The following VPS13C variants were observed in gnomAD, a reference collection of about 807,000 sequenced individuals.
VPS13C encodes intermembrane lipid transfer protein VPS13C.
A neutral mutation model predicts 456.8 loss-of-function variants in VPS13C; 358 were observed. That is an observed-to-expected ratio of 0.78 (90% confidence interval 0.72 to 0.86). VPS13C has a LOEUF of 0.86. Ranked by LOEUF, VPS13C falls within the 40% of genes least tolerant of loss-of-function variation. The pLI, the probability that VPS13C is intolerant of heterozygous loss-of-function variation, is 0.00. For missense variants in VPS13C, 4,818 were observed against 4,385.4 expected, an observed-to-expected ratio of 1.10 and a Z score of -2.79; for synonymous variants, 1,578 against 1,486.7, an observed-to-expected ratio of 1.06 and a Z score of -1.41.
chr15:61,929,669 G>C lies in VPS13C; in HGVS notation c.6118C>G (p.Gln2040Glu), dbSNP rs766142274. The C allele has an allele frequency of 1.9e-6, 3 of 1,613,872 alleles. No homozygotes were observed. Among genetic ancestry groups the C allele is most frequent in the Non-Finnish European group, 2.5e-6 (3 of 1,179,976 alleles). Residue 2040 changes from glutamine (Q) to glutamate (E), a missense_variant, in exon 51 of 85, where the codon CAA becomes GAA. Gln to Glu is a conservative substitution (Grantham distance 29, BLOSUM62 2). Around this residue, in one of 3 missense-constraint regions of VPS13C, gnomAD observed 4,552 missense variants for 4,130.6 expected, o/e 1.10. Coordinates refer to ENST00000644861, the MANE Select transcript of VPS13C (RefSeq NM_020821.3). ...ISYKQDKNGSQIDAVLDKLYV... is the reference protein window; with the variant it reads ...ISYKQDKNGSEIDAVLDKLYV... ...AGCTTGTCAAGAACAGCATCAATTT[G>C]ACTTCCATTTTTGTCTTGTTTGTAA...
At chr15:62,024,219 G>A (rs959753435) in intron 6 of VPS13C, among the ~76,000 whole-genome samples, 3 of 151,940 alleles carry the variant, frequency 2.0e-5, no homozygotes, top group Admixed American at 6.6e-5. Context: ...AAAACTTTCA[G>A]AAGAAGGTTT....
intron 82 of VPS13C, among the ~76,000 whole-genome samples, chr15:61,862,443 C>A (rs564374666): frequency 2.0e-5 from 3 of 152,174 alleles, no homozygotes; most frequent in Non-Finnish European, 4.4e-5. Context: ...ACCAAAAAAA[C>A]CCCAAATTGA....
At chr15:61,938,368 A>G (rs1262631036) in intron 47 of VPS13C, among the ~76,000 whole-genome samples, 1 of 152,122 alleles carries the variant, frequency 6.6e-6, no homozygotes, top group Non-Finnish European at 1.5e-5. Flanking sequence ...TGTAGGTATC[A>G]CCTGCCTGAT....
intron 62 of VPS13C, 52 bp from the exon 63 acceptor site, chr15:61,912,056 A>G: frequency 2.1e-6 from 3 of 1,453,734 alleles, no homozygotes; most frequent in Non-Finnish European, 2.8e-6. Context: ...TCTTTGAAAT[A>G]TATACACATC....
In VPS13C at chr15:62,037,199, T is replaced by C. The variant is rs1334367535; in HGVS notation, c.188-2147A>G. Among the ~76,000 whole-genome samples the C allele has an allele frequency of 1.2e-4, 13 of 111,472 alleles. No homozygotes were observed. The East Asian group carries it at 1.4e-3, about 12-fold the overall frequency. 73.1% of individuals were successfully genotyped at this position (111,472 alleles called of 152,430 possible). A position where few individuals can be genotyped will look rare whatever the true frequency, so the allele number is the denominator to read the frequency against. On this transcript the variant is annotated intron_variant, in intron 3 of 84. Coordinates refer to ENST00000644861, the MANE Select transcript of VPS13C (RefSeq NM_020821.3). The stretch of plus-strand genomic sequence containing the variant: ...ATAATATAAATATAAATATAATAAA[T>C]ATAATATATAAATATATTATATAAT...
chr15:61,880,128 T>G lies in VPS13C; in HGVS notation c.10002+481A>C, dbSNP rs571895094. 3.9e-5 allele frequency among the ~76,000 whole-genome samples: 6 copies of G among 152,166 alleles called. No individual in the cohort carries two copies. The South Asian group carries it at 1.2e-3, about 32-fold the overall frequency. ...AAAAGGGAAAAAAGAAATGGGTTCA[T>G]AAAGTACAACATCAGGCAAGTGAAA... On this transcript the variant is annotated intron_variant, in intron 73 of 84. Transcript: ENST00000644861.
chr15:62,007,207 C>A, intron 15 of VPS13C, 101 bp downstream of exon 15: 1 of 968,212 alleles, frequency 1.0e-6, no homozygotes. Flanking sequence ...GAGGTGAATT[C>A]TGTTCTTCCT....
At chr15:61,869,974 G>A (rs1323037413) in intron 79 of VPS13C, among the ~76,000 whole-genome samples, 1 of 151,982 alleles carries the variant, frequency 6.6e-6, no homozygotes, top group East Asian at 1.9e-4. Context: ...GTGTAAGAAG[G>A]GACCAGTAAA....
At chr15:61,953,508 C>A (rs886407576) in intron 38 of VPS13C, among the ~76,000 whole-genome samples, 1 of 150,172 alleles carries the variant, frequency 6.7e-6, no homozygotes, top group Non-Finnish European at 1.5e-5. Flanking sequence ...TTTGTTCTTG[C>A]GACAGTTACT....
chr15:61,906,034 A>G (rs2043143070), intron 66 of VPS13C, among the ~76,000 whole-genome samples: 1 of 152,166 alleles, frequency 6.6e-6, no homozygotes, highest in Non-Finnish European at 1.5e-5. Context: ...CTGAATCAAC[A>G]GGATAATGCT....
intron 5 of VPS13C, among the ~76,000 whole-genome samples, chr15:62,029,502 A>C (rs2047741585): frequency 6.6e-6 from 1 of 151,910 alleles, no homozygotes; most frequent in African/African-American, 2.4e-5. Flanking sequence ...CATCCTTTAA[A>C]TCCAGTTGAA....
intron 16 of VPS13C, among the ~76,000 whole-genome samples, chr15:61,998,407 T>G (rs1463926364): frequency 1.3e-5 from 2 of 152,250 alleles, no homozygotes; most frequent in Non-Finnish European, 2.9e-5. Context: ...TTTGTTCATT[T>G]ATGTAGGCTA....
At chr15:61,980,793 G>A (rs1220168318) in intron 22 of VPS13C, among the ~76,000 whole-genome samples, 2 of 152,134 alleles carry the variant, frequency 1.3e-5, no homozygotes, top group Non-Finnish European at 2.9e-5. Context: ...GGACTTGATG[G>A]ATCTTAAATT....
intron 14 of VPS13C, among the ~76,000 whole-genome samples, chr15:62,008,022 C>T (rs1167413957): frequency 2.0e-5 from 3 of 152,028 alleles, no homozygotes; most frequent in Non-Finnish European, 4.4e-5. Flanking sequence ...GAGTAGATCA[C>T]AAGGTCAGGA....
intron 83 of VPS13C, among the ~76,000 whole-genome samples, chr15:61,855,762 A>G (rs1893869850): frequency 1.3e-5 from 2 of 152,078 alleles, no homozygotes; most frequent in African/African-American, 4.8e-5. Flanking sequence ...AATTTATAAT[A>G]TATAATGTAA....
At chr15:61,883,570 T>G (rs1896037097) in intron 68 of VPS13C, among the ~76,000 whole-genome samples, 1 of 152,146 alleles carries the variant, frequency 6.6e-6, no homozygotes, top group Non-Finnish European at 1.5e-5. Flanking sequence ...TTCTGTAGAC[T>G]TCCTGGAGCA....
At chr15:61,978,346 T>A (rs373840331) in intron 23 of VPS13C, among the ~76,000 whole-genome samples, 1 of 152,156 alleles carries the variant, frequency 6.6e-6, no homozygotes, top group Admixed American at 6.5e-5. Flanking sequence ...TTTTGTGTTC[T>A]AAGCAGTTTT....
At chr15:61,997,189 G>A (rs1450999362) in intron 16 of VPS13C, among the ~76,000 whole-genome samples, 1 of 152,124 alleles carries the variant, frequency 6.6e-6, no homozygotes, top group Admixed American at 6.5e-5. Flanking sequence ...ATCTGTCACA[G>A]TTGATCACTT....
intron 83 of VPS13C, 119 bp from the exon 84 acceptor site, chr15:61,855,073 C>T (rs1215831214): frequency 1.4e-6 from 1 of 723,130 alleles, no homozygotes; most frequent in East Asian, 2.8e-5. Context: ...TAACCAAATA[C>T]ACATATTCAA....
Sources: allele counts gnomAD v4.1 joint callset (sites outside exome capture counted in the v4.1 genomes callset), GRCh38; gene constraint gnomAD v4.1.1; regional missense constraint gnomAD v4.1.1; transcripts MANE v1.5; gene names NCBI Gene and HGNC (gene_info 2026-07-23, HGNC 2026-07-21).